Variants in AGO2 observed in about 807,000 individuals in gnomAD.
AGO2 encodes argonaute RISC catalytic component 2.
In AGO2, 5 loss-of-function variants were observed where a neutral mutation model predicts 102.3. The observed-to-expected ratio is 0.05, with a 90% CI of 0.03 to 0.10. The LOEUF is 0.10. Among genes scored for constraint, AGO2 ranks in the 10% least tolerant of loss-of-function variants. The probability of loss-of-function intolerance (pLI) is 1.00; values close to 1 mark genes in which losing one functional copy is unlikely to be tolerated. For synonymous variants in AGO2, 449 were observed against 473.1 expected, an observed-to-expected ratio of 0.95 and a Z score of 0.66; for missense variants, 541 against 1,183.7, an observed-to-expected ratio of 0.46 and a Z score of 7.97.
rs561849983 is a variant in AGO2, at chr8:140,526,443, G to C, written c.*5601C>G. On this transcript the variant is annotated 3_prime_UTR_variant, in exon 19 of 19. Transcript: ENST00000220592. The surrounding 1 kb of genome is among the most constrained non-coding windows in gnomAD (Gnocchi z 5.2). Reference sequence around the variant, plus strand: ...AATCCTAGAATCTCAAAGCTGCGCAGAACAGAGGTGACCCTGGTCCACCTG... The same window carrying C: ...AATCCTAGAATCTCAAAGCTGCGCACAACAGAGGTGACCCTGGTCCACCTG... The C allele has an allele frequency of 9.8e-5, 15 of 152,304 alleles. No homozygotes were observed. Among genetic ancestry groups the C allele is most frequent in the African/African-American group, 3.6e-4 (15 of 41,550 alleles). The allele number at this position is 152,304 out of a possible 1,614,324, so 9.4% of individuals were successfully genotyped here.
In AGO2 at chr8:140,532,577, G is replaced by A. The variant is rs751186251; in HGVS notation, c.2310C>T (p.Asp770=). Residue 770 remains aspartate, a synonymous_variant, in exon 18 of 19, where the codon GAC becomes GAT. Coordinates refer to ENST00000220592, the MANE Select transcript of AGO2 (RefSeq NM_012154.5). ...GCTCATCAGAGGAGAAACGATTGTC[G>A]TCCCAGAGGACGTGATAGTGCGAAG... The part of the protein sequence containing the change: ...SRPSHYHVLW[D]DNRFSSDELQ... 2.3e-5 allele frequency: 37 copies of A among 1,614,154 alleles called. No homozygotes were observed. Among genetic ancestry groups the A allele is most frequent in the Middle Eastern group, 1.6e-4 (1 of 6,084 alleles).
chr8:140,607,215 C>T (rs1040411867), intron 1 of AGO2, among the ~76,000 whole-genome samples: 3 of 151,476 alleles, frequency 2.0e-5, no homozygotes, highest in Non-Finnish European at 2.9e-5. Context: ...TGTCATTGCA[C>T]TCCAACCTGG....
chr8:140,573,283 C>T (rs1350092471), intron 2 of AGO2, among the ~76,000 whole-genome samples: 1 of 152,058 alleles, frequency 6.6e-6, no homozygotes, highest in Non-Finnish European at 1.5e-5. Flanking sequence ...GATTCTCCTG[C>T]CTCAGCCTCC....
chr8:140,521,197 G>A lies in AGO2; in HGVS notation c.*10847C>T, dbSNP rs1164347481. On this transcript the variant is annotated 3_prime_UTR_variant, in exon 19 of 19. Coordinates refer to ENST00000220592, the MANE Select transcript of AGO2 (RefSeq NM_012154.5). ...TCCTGGGGAGCCAATTGCCCGGCAC[G>A]TCTTATTACTGAGAAAGTGCAAGAA... The A allele has an allele frequency of 4.6e-5, 7 of 152,152 alleles. No individual in the cohort carries two copies. Among genetic ancestry groups the A allele is most frequent in the South Asian group, 2.1e-4 (1 of 4,822 alleles). 9.4% of individuals were successfully genotyped at this position (152,152 alleles called of 1,614,324 possible). A position where few individuals can be genotyped will look rare whatever the true frequency, so the allele number is the denominator to read the frequency against.
At chr8:140,574,562 C>A (rs1045366664) in intron 2 of AGO2, among the ~76,000 whole-genome samples, 3 of 152,174 alleles carry the variant, frequency 2.0e-5, no homozygotes, top group African/African-American at 7.2e-5. Flanking sequence ...CTGTGCCCAG[C>A]TCAGGGGGGT....
chr8:140,537,561 C>G (rs1360026000), intron 16 of AGO2, among the ~76,000 whole-genome samples: 2 of 152,294 alleles, frequency 1.3e-5, no homozygotes, highest in East Asian at 3.9e-4. Context: ...CTTGGCCTCC[C>G]AAAGTGGTGG....
intron 16 of AGO2, among the ~76,000 whole-genome samples, chr8:140,538,211 T>C (rs1020743222): frequency 5.9e-5 from 9 of 152,244 alleles, no homozygotes; most frequent in Admixed American, 3.9e-4. Context: ...ACAGTAAACC[T>C]TCCCTGTGTC....
intron 14 of AGO2, among the ~76,000 whole-genome samples, chr8:140,542,700 A>G (rs2072822445): frequency 6.6e-6 from 1 of 152,230 alleles, no homozygotes; most frequent in Admixed American, 6.5e-5. Context: ...GGAGGGCGCC[A>G]GCCCGCTGTG....
At chr8:140,600,370 C>A (rs1007856151) in intron 1 of AGO2, among the ~76,000 whole-genome samples, 3 of 152,160 alleles carry the variant, frequency 2.0e-5, no homozygotes, top group Non-Finnish European at 4.4e-5. Context: ...GAGGAGTCAG[C>A]GTCATGGGGT....
intron 16 of AGO2, 41 bp from the exon 17 acceptor site, chr8:140,535,610 C>A: frequency 6.2e-7 from 1 of 1,604,690 alleles, no homozygotes; most frequent in Non-Finnish European, 8.5e-7. Context: ...GGCCAGGGAC[C>A]GGCAGAGCCA....
intron 1 of AGO2, among the ~76,000 whole-genome samples, chr8:140,609,915 C>T (rs2074053578): frequency 6.6e-6 from 1 of 151,620 alleles, no homozygotes; most frequent in Non-Finnish European, 1.5e-5. Context: ...CTACATCGAC[C>T]AGGCATGGGG....
intron 1 of AGO2, among the ~76,000 whole-genome samples, chr8:140,590,137 C>G (rs1256258909): frequency 6.6e-6 from 1 of 152,220 alleles, no homozygotes; most frequent in Non-Finnish European, 1.5e-5. Flanking sequence ...AAGCCTCACC[C>G]AGCCCACGTT....
chr8:140,569,929 A>G (rs1241628967), intron 3 of AGO2, among the ~76,000 whole-genome samples: 1 of 152,248 alleles, frequency 6.6e-6, no homozygotes, highest in Non-Finnish European at 1.5e-5. Flanking sequence ...ACGAGCCTCC[A>G]GGGTAATGGA....
chr8:140,632,767 A>T (rs1204163957), intron 1 of AGO2, among the ~76,000 whole-genome samples: 1 of 152,256 alleles, frequency 6.6e-6, no homozygotes, highest in Non-Finnish European at 1.5e-5. Flanking sequence ...TCAGATTCTA[A>T]ATAGCATTCA....
intron 1 of AGO2, among the ~76,000 whole-genome samples, chr8:140,621,560 C>A (rs926690294): frequency 6.6e-6 from 1 of 152,130 alleles, no homozygotes; most frequent in East Asian, 1.9e-4. Flanking sequence ...AGTCTGGGTA[C>A]CGGACTCCCT....
chr8:140,526,548 T>C lies in AGO2; in HGVS notation c.*5496A>G, dbSNP rs1040741363. 1.3e-5 allele frequency: 2 copies of C among 152,230 alleles called. No individual in the cohort carries two copies. Among genetic ancestry groups the C allele is most frequent in the East Asian group, 3.8e-4 (2 of 5,202 alleles). 9.4% of individuals were successfully genotyped at this position (152,230 alleles called of 1,614,324 possible). A position where few individuals can be genotyped will look rare whatever the true frequency, so the allele number is the denominator to read the frequency against. ...CAAGCCAGAACTGAACAGATAGATGTTCACAATTCAGTTTATTCAGGCAAC... is the reference window on the plus strand; with the variant it reads ...CAAGCCAGAACTGAACAGATAGATGCTCACAATTCAGTTTATTCAGGCAAC... On this transcript the variant is annotated 3_prime_UTR_variant, in exon 19 of 19. Transcript: ENST00000220592. The surrounding 1 kb of genome is among the most constrained non-coding windows in gnomAD (Gnocchi z 5.2).
chr8:140,569,548 C>T (rs904352861), intron 3 of AGO2, among the ~76,000 whole-genome samples: 13 of 152,212 alleles, frequency 8.5e-5, no homozygotes, highest in African/African-American at 3.1e-4. Flanking sequence ...TTCAACTGAG[C>T]AGAGAAGCTC....
upstream of AGO2, chr8:140,637,332 C>T (rs1416630762): frequency 6.6e-6 from 1 of 152,224 alleles, no homozygotes; most frequent in Admixed American, 6.5e-5. Context: ...TCGTTTTGGC[C>T]CGAAATCCCT....
intron 1 of AGO2, among the ~76,000 whole-genome samples, chr8:140,593,959 G>A (rs1270957957): frequency 1.3e-5 from 2 of 152,216 alleles, no homozygotes; most frequent in Non-Finnish European, 2.9e-5. Context: ...ATCCTCACCA[G>A]GTTCACTCAG....
Sources: allele counts gnomAD v4.1 joint callset (sites outside exome capture counted in the v4.1 genomes callset), GRCh38; gene constraint gnomAD v4.1.1; non-coding constraint Gnocchi (gnomAD v3.1); transcripts MANE v1.5; gene names NCBI Gene and HGNC (gene_info 2026-07-23, HGNC 2026-07-21).